Variants in PKP1 observed in about 807,000 individuals in gnomAD.
PKP1 encodes the protein plakophilin 1, also known as plakophilin-1.
A neutral mutation model predicts 76.4 loss-of-function variants in PKP1; 27 were observed. That is an observed-to-expected ratio of 0.35 (90% CI 0.26 to 0.49). PKP1 has a LOEUF of 0.49. PKP1 is among the 20% of genes least tolerant of loss of function. The pLI, the probability that PKP1 is intolerant of heterozygous loss-of-function variation, is 0.99. For missense variants in PKP1, 964 were observed against 955.2 expected, an observed-to-expected ratio of 1.01 and a Z score of -0.12; for synonymous variants, 404 against 384.2, an observed-to-expected ratio of 1.05 and a Z score of -0.60.
intron 1 of PKP1, among the ~76,000 whole-genome samples, chr1:201,286,761 G>A (rs886805247): frequency 2.6e-5 from 4 of 152,314 alleles, no homozygotes; most frequent in Non-Finnish European, 5.9e-5. Flanking sequence ...GCCTCAGGGT[G>A]TCTGGCCTCC....
At chr1:201,286,918 A>C (rs1655757046) in intron 1 of PKP1, among the ~76,000 whole-genome samples, 1 of 151,988 alleles carries the variant, frequency 6.6e-6, no homozygotes, top group Non-Finnish European at 1.5e-5. Flanking sequence ...TTCACTTGGA[A>C]TCTCTTCCTA....
intron 1 of PKP1, among the ~76,000 whole-genome samples, chr1:201,286,625 C>A (rs927999717): frequency 6.6e-6 from 1 of 152,190 alleles, no homozygotes; most frequent in Non-Finnish European, 1.5e-5. Context: ...ATGAAGGCCC[C>A]GGGCAGGAAG....
chr1:201,287,823 G>A (rs535328454), intron 1 of PKP1, among the ~76,000 whole-genome samples: 19 of 152,300 alleles, frequency 1.2e-4, no homozygotes, highest in African/African-American at 3.9e-4. Flanking sequence ...TCTGGGAAGC[G>A]CTTCTGCGAT....
At chr1:201,287,752 T>A (rs1295989714) in intron 1 of PKP1, among the ~76,000 whole-genome samples, 1 of 152,180 alleles carries the variant, frequency 6.6e-6, no homozygotes. Flanking sequence ...AAAGTACAAA[T>A]TCCTCCCCCG....
At chr1:201,290,246 G>T (rs1655874100) in intron 1 of PKP1, among the ~76,000 whole-genome samples, 1 of 152,140 alleles carries the variant, frequency 6.6e-6, no homozygotes, top group Non-Finnish European at 1.5e-5. Context: ...TGTGTTGCTT[G>T]TATACCTGGG....
chr1:201,304,239 A>G (rs1255245187), intron 2 of PKP1, among the ~76,000 whole-genome samples: 1 of 152,212 alleles, frequency 6.6e-6, no homozygotes, highest in African/African-American at 2.4e-5. Flanking sequence ...CCACGCCAGA[A>G]GCTCAGCAAG....
At chr1:201,306,920 T>G (rs527808870) in intron 2 of PKP1, among the ~76,000 whole-genome samples, 51 of 152,200 alleles carry the variant, frequency 3.4e-4, no homozygotes, top group Non-Finnish European at 6.2e-4. Flanking sequence ...TCCGCCCGCC[T>G]CGGCCTCCCA....
At chr1:201,301,051 A>G (rs1463700961) in intron 2 of PKP1, among the ~76,000 whole-genome samples, 1 of 152,112 alleles carries the variant, frequency 6.6e-6, no homozygotes, top group Non-Finnish European at 1.5e-5. Flanking sequence ...GGCCTTCATC[A>G]CAAACCCACA....
intron 2 of PKP1, among the ~76,000 whole-genome samples, chr1:201,306,815 T>C (rs1299882818): frequency 6.6e-6 from 1 of 150,808 alleles, no homozygotes; most frequent in Non-Finnish European, 1.5e-5. Context: ...GCTGGGACTA[T>C]AGGCGCCCAC....
At chr1:201,313,923 T>C (rs780382593) in intron 3 of PKP1, among the ~76,000 whole-genome samples, 3 of 152,238 alleles carry the variant, frequency 2.0e-5, no homozygotes, top group Non-Finnish European at 4.4e-5. Context: ...CCCAGACCTA[T>C]TGTCTCAGAA....
intron 2 of PKP1, among the ~76,000 whole-genome samples, chr1:201,307,662 C>T (rs1224413927): frequency 6.6e-6 from 1 of 152,214 alleles, no homozygotes; most frequent in African/African-American, 2.4e-5. Context: ...ACTGAAATCC[C>T]AGCAAGATGA....
chr1:201,310,440 G>C (rs1656512336), intron 2 of PKP1, among the ~76,000 whole-genome samples: 1 of 152,216 alleles, frequency 6.6e-6, no homozygotes, highest in Non-Finnish European at 1.5e-5. Flanking sequence ...TCTTCCTCCA[G>C]TTTGTAGATC....
At chr1:201,313,671 T>C in intron 3 of PKP1, 111 bp downstream of exon 3, 9 of 1,177,788 alleles carry the variant, frequency 7.6e-6, no homozygotes, top group Middle Eastern at 3.0e-4. Flanking sequence ...AGACATAGCT[T>C]CTGTCCCTGG....
chr1:201,302,333 C>T (rs979723023), intron 2 of PKP1, among the ~76,000 whole-genome samples: 1 of 151,932 alleles, frequency 6.6e-6, no homozygotes, highest in Non-Finnish European at 1.5e-5. Flanking sequence ...GGACTTTGAG[C>T]GGGGTGTGAA....
chr1:201,310,010 T>C (rs958776467), intron 2 of PKP1, among the ~76,000 whole-genome samples: 2 of 152,206 alleles, frequency 1.3e-5, no homozygotes, highest in African/African-American at 4.8e-5. Context: ...TCTATGTCTG[T>C]GGGGTGAGAC....
chr1:201,324,657 A>C, intron 10 of PKP1, 76 bp downstream of exon 10: 1 of 1,542,446 alleles, frequency 6.5e-7, no homozygotes, highest in Non-Finnish European at 8.9e-7. Context: ...CTTGAAGGTC[A>C]TCCTTTAAGC....
At chr1:201,310,134 T>C (rs1254776400) in intron 2 of PKP1, among the ~76,000 whole-genome samples, 1 of 152,162 alleles carries the variant, frequency 6.6e-6, no homozygotes, top group African/African-American at 2.4e-5. Context: ...ACAGGTGACA[T>C]AAAATCTCTC....
At position 201,285,961 on chromosome 1, in the gene PKP1, G is replaced by T. The variant is rs530612473; in HGVS notation, c.202+2057G>T. ...GTCCCCTCTACCCTCAGACTCTGCG[G>T]AGGTTCCTAAAGGAGGCTGCAGAGG... On this transcript the variant is annotated intron_variant, in intron 1 of 13. Transcript: ENST00000367324. 3.3e-5 allele frequency among the ~76,000 whole-genome samples: 5 copies of T among 152,368 alleles called. No homozygotes were observed. The South Asian group carries it at 6.2e-4, about 19-fold the overall frequency.
intron 2 of PKP1, among the ~76,000 whole-genome samples, chr1:201,306,408 G>A (rs181958739): frequency 1.9e-4 from 29 of 152,360 alleles, no homozygotes; most frequent in Non-Finnish European, 4.0e-4. Context: ...AGAGCCTGGA[G>A]CCCAAGAGGC....
Sources: allele counts gnomAD v4.1 joint callset (sites outside exome capture counted in the v4.1 genomes callset), GRCh38; gene constraint gnomAD v4.1.1; transcripts MANE v1.5; gene names NCBI Gene and HGNC (gene_info 2026-07-23, HGNC 2026-07-21).